The following ATXN1 variants were observed in gnomAD, a reference collection of about 807,000 sequenced individuals.
ATXN1 encodes ataxin-1.
In ATXN1, 8 loss-of-function variants were observed where a neutral mutation model predicts 56.4. That is an observed-to-expected ratio of 0.14 (90% CI 0.08 to 0.26). The LOEUF (loss-of-function observed/expected upper bound fraction) is 0.26, where lower values mean the gene tolerates loss of function less well. ATXN1 is among the 10% of genes least tolerant of loss of function. The pLI is 1.00. For missense variants in ATXN1, 987 were observed against 1,106.5 expected, an observed-to-expected ratio of 0.89 and a Z score of 1.53; for synonymous variants, 514 against 494.6, an observed-to-expected ratio of 1.04 and a Z score of -0.52.
intron 6 of ATXN1, among the ~76,000 whole-genome samples, chr6:16,384,459 A>G (rs563746352): frequency 2.0e-5 from 3 of 152,232 alleles, no homozygotes; most frequent in Non-Finnish European, 4.4e-5. Context: ...ATGAGTGATC[A>G]CCAACTGCCT....
chr6:16,598,819 G>T (rs1056500790), intron 3 of ATXN1, among the ~76,000 whole-genome samples: 4 of 152,230 alleles, frequency 2.6e-5, no homozygotes, highest in African/African-American at 7.2e-5. Flanking sequence ...GCTGCAGGCT[G>T]ACACCATTTT....
chr6:16,668,786 A>G (rs9383200), intron 2 of ATXN1, among the ~76,000 whole-genome samples: 25,213 of 151,454 alleles, frequency 0.17, 2,274 homozygotes, highest in East Asian at 0.34. Context: ...ATTTTATTTT[A>G]TTTTTTATTT....
chr6:16,430,722 T>C (rs4716070), intron 6 of ATXN1, among the ~76,000 whole-genome samples: 19,903 of 140,170 alleles, frequency 0.14, 1,374 homozygotes, highest in Admixed American at 0.19. Flanking sequence ...TGTGTGTGTG[T>C]GCGCGTGTGT....
chr6:16,630,711 A>G (rs1763489199), intron 3 of ATXN1, among the ~76,000 whole-genome samples: 1 of 152,228 alleles, frequency 6.6e-6, no homozygotes. Context: ...GCAATCATAA[A>G]CATTAGAATA....
intron 2 of ATXN1, among the ~76,000 whole-genome samples, chr6:16,723,435 C>T (rs979000375): frequency 1.3e-5 from 2 of 152,144 alleles, no homozygotes. Flanking sequence ...AACTAAGCTA[C>T]AATCATTACT....
chr6:16,651,266 T>G (rs1307305499), intron 3 of ATXN1, among the ~76,000 whole-genome samples: 1 of 152,116 alleles, frequency 6.6e-6, no homozygotes, highest in African/African-American at 2.4e-5. Context: ...AAACTCAGAC[T>G]GGGGGCAGTG....
intron 2 of ATXN1, among the ~76,000 whole-genome samples, chr6:16,746,327 A>G (rs1258477281): frequency 1.3e-5 from 2 of 152,260 alleles, no homozygotes; most frequent in East Asian, 1.9e-4. Flanking sequence ...AGGCATCTGT[A>G]TGAACTGCTT....
chr6:16,353,695 A>G (rs1274121013), intron 6 of ATXN1, among the ~76,000 whole-genome samples: 1 of 152,130 alleles, frequency 6.6e-6, no homozygotes, highest in African/African-American at 2.4e-5. Context: ...AAAACAAAAA[A>G]CCACAATTAC....
chr6:16,336,983 G>A (rs961693196), intron 6 of ATXN1, among the ~76,000 whole-genome samples: 5 of 152,158 alleles, frequency 3.3e-5, no homozygotes, highest in African/African-American at 7.2e-5. Context: ...TCGGGTGGTC[G>A]CTGGCTTGGG....
chr6:16,497,119 G>C (rs1315813605), intron 5 of ATXN1, among the ~76,000 whole-genome samples: 2 of 152,030 alleles, frequency 1.3e-5, no homozygotes, highest in Admixed American at 1.3e-4. Flanking sequence ...AATTCTCCCG[G>C]GAATGACTTC....
In ATXN1 at chr6:16,761,339, G is replaced by T; in HGVS notation, c.-771C>A. ...ATCTGGGGTTGCGTGGGGAAGGGGGGGCAGAGGGAGAGAAACAATGTCTTG... is the reference window on the plus strand; with the variant it reads ...ATCTGGGGTTGCGTGGGGAAGGGGGTGCAGAGGGAGAGAAACAATGTCTTG... On this transcript the variant is annotated 5_prime_UTR_variant, in exon 1 of 8. Coordinates refer to ENST00000436367, the MANE Select transcript of ATXN1 (RefSeq NM_001128164.2). 4.4e-6 allele frequency: 2 copies of T among 456,172 alleles called. No homozygotes were observed. Among genetic ancestry groups the T allele is most frequent in the Non-Finnish European group, 8.8e-6 (2 of 226,852 alleles). 28.3% of individuals were successfully genotyped at this position (456,172 alleles called of 1,614,324 possible).
At position 16,528,749 on chromosome 6, in the gene ATXN1, T is replaced by C. The variant is rs550016197; in HGVS notation, c.-360-6061A>G. ...TGAGGAAAATAAGGCTCAAGAAAAG[T>C]AACCTAACCAAGGTCACCAGTAAGT... is the stretch of plus-strand genomic sequence containing the variant. On this transcript the variant is annotated intron_variant, in intron 4 of 7. Transcript: ENST00000436367. Among the ~76,000 whole-genome samples, 52 of 152,330 alleles carry C rather than the reference T, an allele frequency of 3.4e-4. 1 individual carries two copies. The South Asian group carries it at 7.7e-3, about 22-fold the overall frequency.
chr6:16,611,047 A>T (rs938932960), intron 3 of ATXN1, among the ~76,000 whole-genome samples: 4 of 152,078 alleles, frequency 2.6e-5, no homozygotes, highest in African/African-American at 9.7e-5. Context: ...AAATATATAC[A>T]CATATAAGGA....
Position 16,358,774 on chromosome 6 carries a change from C to G in ATXN1, c.-160-30304G>C, listed in dbSNP as rs553240147. Among the ~76,000 whole-genome samples the G allele has an allele frequency of 3.9e-5, 6 of 152,358 alleles. No homozygotes were observed. In the East Asian group the frequency reaches 1.2e-3, roughly 29 times the overall value. On this transcript the variant is annotated intron_variant, in intron 6 of 7. Transcript: ENST00000436367. ...CCTCTTGGGGCCACAGCCACCCAAA[C>G]TGCAGCTGTAGATCCGAGTCTCCCT...
chr6:16,697,324 T>C (rs1759185592), intron 2 of ATXN1, among the ~76,000 whole-genome samples: 1 of 152,218 alleles, frequency 6.6e-6, no homozygotes. Context: ...TTCAACTATC[T>C]GTTTGCTTTT....
chr6:16,603,637 T>C (rs1388798322), intron 3 of ATXN1, among the ~76,000 whole-genome samples: 1 of 152,034 alleles, frequency 6.6e-6, no homozygotes, highest in Non-Finnish European at 1.5e-5. Context: ...ATTTCAAAAA[T>C]CAAATACAAA....
At chr6:16,367,694 T>A (rs1272335493) in intron 6 of ATXN1, among the ~76,000 whole-genome samples, 3 of 151,858 alleles carry the variant, frequency 2.0e-5, no homozygotes, top group African/African-American at 7.3e-5. Context: ...TGACCTGATC[T>A]TCTTCTTGCC....
chr6:16,410,083 T>C lies in ATXN1; in HGVS notation c.-161+75889A>G, dbSNP rs1758767195. ...AGCATGAGCTGAACGACCGTCGTGA[T>C]AGGCTTGGCAGAGGATGAAGCAGAG... On this transcript the variant is annotated intron_variant, in intron 6 of 7. Coordinates refer to ENST00000436367, the MANE Select transcript of ATXN1 (RefSeq NM_001128164.2). This position sits in a 1 kb window ranked among gnomAD's most constrained non-coding sequence, Gnocchi z 4.6. Among the ~76,000 whole-genome samples, 2 of 152,194 alleles carry C rather than the reference T, an allele frequency of 1.3e-5. No homozygotes were observed. Among genetic ancestry groups the C allele is most frequent in the African/African-American group, 2.4e-5 (1 of 41,454 alleles).
intron 2 of ATXN1, among the ~76,000 whole-genome samples, chr6:16,725,014 T>C (rs985053702): frequency 7.2e-5 from 11 of 152,190 alleles, no homozygotes; most frequent in Non-Finnish European, 1.6e-4. Context: ...CTTATTTTAA[T>C]GTCAAACCTG....
Sources: allele counts gnomAD v4.1 joint callset (sites outside exome capture counted in the v4.1 genomes callset), GRCh38; gene constraint gnomAD v4.1.1; non-coding constraint Gnocchi (gnomAD v3.1); transcripts MANE v1.5; gene names NCBI Gene and HGNC (gene_info 2026-07-23, HGNC 2026-07-21).